PPARGC1A: variants seen among roughly 807,000 people sequenced by gnomAD.
PPARGC1A encodes the protein PPARG coactivator 1 alpha, also known as peroxisome proliferator-activated receptor gamma coactivator 1-alpha.
Under a neutral mutation model 88.7 loss-of-function variants are expected in PPARGC1A, and 25 were observed. The ratio of observed to expected loss-of-function variants is 0.28; its 90% CI spans 0.21 to 0.39. PPARGC1A has a LOEUF of 0.39. Among genes scored for constraint, PPARGC1A ranks in the 10% least tolerant of loss-of-function variants. The pLI is 1.00. For missense variants in PPARGC1A, 880 were observed against 968.7 expected, an observed-to-expected ratio of 0.91 and a Z score of 1.22; for synonymous variants, 363 against 355.6, an observed-to-expected ratio of 1.02 and a Z score of -0.24.
At chr4:24,070,564 GA>G in the PPARGC1A span, among the ~76,000 whole-genome samples, 1 of 152,040 alleles carries the variant, frequency 6.6e-6, no homozygotes, top group African/African-American at 2.4e-5. Flanking sequence ...TTAGGTTCCA[GA>G]AACACAAAAT....
chr4:24,452,473 T>C, the PPARGC1A span, among the ~76,000 whole-genome samples: 2 of 152,160 alleles, frequency 1.3e-5, no homozygotes, highest in Non-Finnish European at 2.9e-5. Flanking sequence ...GTGCACTAGT[T>C]ATAATATGAC....
chr4:23,945,357 C>A, the PPARGC1A span, among the ~76,000 whole-genome samples: 2 of 151,956 alleles, frequency 1.3e-5, no homozygotes. Context: ...TACACCCAAG[C>A]CACATAACCC....
the PPARGC1A span, among the ~76,000 whole-genome samples, chr4:24,353,706 T>C: frequency 6.6e-5 from 10 of 152,286 alleles, no homozygotes; most frequent in Admixed American, 1.3e-4. Context: ...ACCATTAATG[T>C]TCATTAATTT....
chr4:23,949,998 T>C, the PPARGC1A span, among the ~76,000 whole-genome samples: 1 of 152,160 alleles, frequency 6.6e-6, no homozygotes, highest in African/African-American at 2.4e-5. Context: ...GAAACCCATT[T>C]TAAAAGTGCT....
chr4:24,241,816 A>G, the PPARGC1A span, among the ~76,000 whole-genome samples: 11 of 152,214 alleles, frequency 7.2e-5, no homozygotes, highest in African/African-American at 2.4e-5. Context: ...GACAAAGAAA[A>G]TGAACAGGTG....
the PPARGC1A span, among the ~76,000 whole-genome samples, chr4:24,413,985 T>A: frequency 6.6e-6 from 1 of 152,156 alleles, no homozygotes; most frequent in African/African-American, 2.4e-5. Flanking sequence ...ATGACAAGGC[T>A]GGTAAAAAGC....
At chr4:23,841,266 G>A (rs1383492082) in intron 2 of PPARGC1A, among the ~76,000 whole-genome samples, 1 of 152,062 alleles carries the variant, frequency 6.6e-6, no homozygotes, top group Non-Finnish European at 1.5e-5. Flanking sequence ...AACCATTGAT[G>A]TAATCTATCT....
At chr4:24,362,930 G>C in the PPARGC1A span, among the ~76,000 whole-genome samples, 6 of 152,184 alleles carry the variant, frequency 3.9e-5, no homozygotes, top group Non-Finnish European at 1.5e-5. Context: ...CCTAAAACTC[G>C]TTGAAACAGA....
At chr4:23,865,819 T>G (rs760757395) in intron 2 of PPARGC1A, among the ~76,000 whole-genome samples, 7 of 152,204 alleles carry the variant, frequency 4.6e-5, no homozygotes, top group Non-Finnish European at 5.9e-5. Context: ...CTGGTCAACC[T>G]GAGAACAGTC....
chr4:24,268,508 T>C, the PPARGC1A span, among the ~76,000 whole-genome samples: 5 of 152,338 alleles, frequency 3.3e-5, no homozygotes, highest in East Asian at 5.8e-4. Context: ...GCTCTTATAT[T>C]GGGCACAGAT....
At chr4:23,842,300 G>A (rs563905648) in intron 2 of PPARGC1A, among the ~76,000 whole-genome samples, 5 of 152,058 alleles carry the variant, frequency 3.3e-5, no homozygotes, top group African/African-American at 7.2e-5. Context: ...TATCCTACTG[G>A]GTGTGATTTG....
At chr4:23,916,439 G>A in the PPARGC1A span, among the ~76,000 whole-genome samples, 1 of 152,130 alleles carries the variant, frequency 6.6e-6, no homozygotes, top group South Asian at 2.1e-4. Flanking sequence ...GCATTTTCCT[G>A]TATAAATTTC....
chr4:23,805,535 C>T (rs1482051963), intron 10 of PPARGC1A, among the ~76,000 whole-genome samples: 1 of 152,136 alleles, frequency 6.6e-6, no homozygotes, highest in Non-Finnish European at 1.5e-5. Context: ...CACTTCAGAG[C>T]ACCGAGCACA....
chr4:24,406,426 G>A, the PPARGC1A span, among the ~76,000 whole-genome samples: 1 of 152,172 alleles, frequency 6.6e-6, no homozygotes, highest in Non-Finnish European at 1.5e-5. Context: ...TCTGTTTGGA[G>A]TACTGGATAT....
chr4:23,917,707 G>C, the PPARGC1A span, among the ~76,000 whole-genome samples: 1 of 152,170 alleles, frequency 6.6e-6, no homozygotes, highest in African/African-American at 2.4e-5. Context: ...GTGAGCAGTT[G>C]AAATAATGAG....
At chr4:24,430,490 T>C in the PPARGC1A span, among the ~76,000 whole-genome samples, 6 of 151,958 alleles carry the variant, frequency 3.9e-5, no homozygotes, top group Admixed American at 2.6e-4. Context: ...CTCGATCTCC[T>C]GACCTCGTGA....
rs202208351 is a variant in PPARGC1A, at chr4:23,828,597, T to C, written c.560A>G (p.Asn187Ser). 1 of 1,614,018 alleles carries C rather than the reference T, an allele frequency of 6.2e-7. No homozygotes were observed. Among genetic ancestry groups the C allele is most frequent in the African/African-American group, 1.3e-5 (1 of 75,020 alleles). The change falls in exon 5 of 13, where the codon AAT becomes AGT. Residue 187 changes from asparagine (N) to serine (S), a missense_variant. Transcript: ENST00000264867. ...RTNPAIVKTE[N>S]SWSNKAKSIC... ...ACTCTTCGCTTTATTGCTCCATGAA[T>C]TCTCAGTCTTAAAAACAAGGCATAA...
At chr4:23,910,227 A>ATTATATATAATATATATAAATATAT in the PPARGC1A span, among the ~76,000 whole-genome samples, 2 of 108,390 alleles carry the variant, frequency 1.8e-5, no homozygotes, top group Non-Finnish European at 3.5e-5. Context: ...TATATAATAT[A>ATTATATATAATATATATAAATATAT]TTATATATAA....
the PPARGC1A span, among the ~76,000 whole-genome samples, chr4:24,341,056 G>C: frequency 1.3e-5 from 2 of 151,920 alleles, no homozygotes; most frequent in Non-Finnish European, 2.9e-5. Flanking sequence ...TGTGCAATCC[G>C]TGCTATTACA....
Sources: gnomAD v4.1 joint callset for allele counts (sites outside exome capture counted in the v4.1 genomes callset) on GRCh38, gnomAD v4.1.1 for gene constraint, MANE v1.5 for transcripts, NCBI Gene and HGNC (gene_info 2026-07-23, HGNC 2026-07-21) for gene names.